The following NLRP12 variants were observed in gnomAD, a reference collection of about 807,000 sequenced individuals.
The protein encoded by NLRP12 is NACHT, LRR and PYD domains-containing protein 12.
A neutral mutation model predicts 91.2 loss-of-function variants in NLRP12; 108 were observed. That is an observed-to-expected ratio of 1.18 (90% confidence interval 1.01 to 1.39). The LOEUF (loss-of-function observed/expected upper bound fraction) is 1.39. NLRP12 is among the 40% of genes most tolerant of loss of function. The pLI is 0.00. For synonymous variants in NLRP12, 613 were observed against 566.7 expected (o/e 1.08, Z -1.16); for missense variants, 1,530 against 1,352.7 (o/e 1.13, Z -2.06).
rs766680396 is a variant in NLRP12, at chr19:53,810,716, C to T, written c.943G>A (p.Glu315Lys). The stretch of plus-strand genomic sequence containing the variant: ...AGCAGCTCCGTGGGCCGTTTCTCCT[C>T]CCAGCAGAGGCACCAGGGTCCCTGA... ...DPQGPWCLCW[E>K]EKRPTELLLN... Residue 315 changes from glutamate (E) to lysine (K), a missense_variant, in exon 3 of 10, where the codon GAG becomes AAG. Coordinates refer to ENST00000324134, the MANE Select transcript of NLRP12 (RefSeq NM_144687.4). 1.2e-5 allele frequency: 20 copies of T among 1,613,994 alleles called. No individual in the cohort carries two copies. The highest frequency in any genetic ancestry group is 1.6e-4 in the Middle Eastern group (1 of 6,062).
intron 1 of NLRP12, among the ~76,000 whole-genome samples, chr19:53,822,847 A>G (rs544644139): frequency 6.6e-6 from 1 of 151,688 alleles, no homozygotes; most frequent in East Asian, 1.9e-4. Flanking sequence ...AACTCACTGC[A>G]ATCTCCACCT....
chr19:53,809,797 T>C lies in NLRP12; in HGVS notation c.1862A>G (p.Gln621Arg). ...GGCCTGCTGGATAAACTCCTCCTCC[T>C]GGATCTCGTACAAGCAGCTGAAGAA... ...LEFFSCLYEI[Q>R]EEEFIQQALS... Residue 621 changes from glutamine (Q) to arginine (R), a missense_variant, in exon 3 of 10, where the codon CAG becomes CGG. By Grantham distance (43) the Gln-to-Arg change is conservative. Coordinates refer to ENST00000324134, the MANE Select transcript of NLRP12 (RefSeq NM_144687.4). 6.2e-7 allele frequency: 1 copy of C among 1,614,036 alleles called. No homozygotes were observed. Among genetic ancestry groups the C allele is most frequent in the Non-Finnish European group, 8.5e-7 (1 of 1,179,952 alleles).
rs2092217573 is a variant in NLRP12 at position 53,819,443 on chromosome 19, A to ATG, written c.289+4442_289+4443insCA. On this transcript the variant is annotated intron_variant, in intron 1 of 9. Coordinates refer to ENST00000324134, the MANE Select transcript of NLRP12 (RefSeq NM_144687.4). Reference sequence around the variant, plus strand: ...TATATATATATATATATATATATATATATATATATATATATGTGTGTGTGT... The same window carrying ATG: ...TATATATATATATATATATATATATATGTATATATATATATATGTGTGTGTGT... Among the ~76,000 whole-genome samples the ATG allele has an allele frequency of 2.9e-4, 6 of 20,554 alleles. 1 individual carries two copies. The highest frequency in any genetic ancestry group is 6.4e-4 in the Non-Finnish European group (6 of 9,306). 13.5% of individuals were successfully genotyped at this position (20,554 alleles called of 152,430 possible).
chr19:53,809,480 G>T, intron 3 of NLRP12, 107 bp downstream of exon 3: 1 of 1,169,346 alleles, frequency 8.6e-7, no homozygotes, highest in Non-Finnish European at 1.2e-6. Context: ...GCAGTGAGCT[G>T]AGGTCACGCC....
In NLRP12 at chr19:53,810,219, G is replaced by A. The variant is rs764208280; in HGVS notation, c.1440C>T (p.Asp480=). ...WNQKILFEEQ[D]LRKHGLDGED... ...CCCCGTCTAGGCCGTGCTTCCGGAG[G>A]TCCTGCTCCTCAAATAGGATTTTCT... Residue 480 remains aspartate (D), a synonymous_variant, in exon 3 of 10, where the codon GAC becomes GAT. Coordinates refer to ENST00000324134, the MANE Select transcript of NLRP12 (RefSeq NM_144687.4). 1.2e-6 allele frequency: 2 copies of A among 1,614,186 alleles called. No individual in the cohort carries two copies. Among genetic ancestry groups the A allele is most frequent in the South Asian group, 2.2e-5 (2 of 91,084 alleles).
intron 2 of NLRP12, among the ~76,000 whole-genome samples, chr19:53,812,426 A>AG (rs1421702118): frequency 6.6e-6 from 1 of 152,004 alleles, no homozygotes; most frequent in East Asian, 1.9e-4. Context: ...AAAAAAAAAA[A>AG]AAAATCTAGA....
rs758099850 is a variant in NLRP12, at chr19:53,798,341, G to C, written c.2829C>G (p.Leu943=). The change falls in exon 8 of 10, where the codon CTC becomes CTG. Residue 943 remains leucine (L), a synonymous_variant. Coordinates refer to ENST00000324134, the MANE Select transcript of NLRP12 (RefSeq NM_144687.4). ...LSVVLQANHN[L]RELDLSFNDL... ...CGTTGAAACTCAAGTCCAGCTCCCGGAGGTTGTGGTTGGCCTGGAGCACCA... is the reference window on the plus strand; with the variant it reads ...CGTTGAAACTCAAGTCCAGCTCCCGCAGGTTGTGGTTGGCCTGGAGCACCA... 6 of 1,614,118 alleles carry C rather than the reference G, an allele frequency of 3.7e-6. No homozygotes were observed. The highest frequency in any genetic ancestry group is 5.1e-6 in the Non-Finnish European group (6 of 1,180,038).
At chr19:53,818,633 C>G (rs796244754) in intron 1 of NLRP12, among the ~76,000 whole-genome samples, 110 of 151,996 alleles carry the variant, frequency 7.2e-4, no homozygotes, top group African/African-American at 2.2e-3. Flanking sequence ...CCACTGCACT[C>G]CGGCCTGGGT....
At chr19:53,824,393 A>C, upstream of NLRP12, 2 of 567,424 alleles carry the variant, frequency 3.5e-6, no homozygotes, top group Non-Finnish European at 3.2e-6. Context: ...CCACTCACCA[A>C]TGGCTGTTCT....
chr19:53,795,932 CGTT>C lies in NLRP12; in HGVS notation c.3022_3024del (p.Asn1008del). 1 of 1,614,118 alleles carries C rather than the reference CGTT, an allele frequency of 6.2e-7. No homozygotes were observed. Among genetic ancestry groups the C allele is most frequent in the Non-Finnish European group, 8.5e-7 (1 of 1,180,034 alleles). On this transcript the variant is annotated inframe_deletion, in exon 9 of 10. Transcript: ENST00000324134. ...AGTCGGACACCTGTGTCCCCTAGGG[CGTT>C]GTTGGTCAGGTAAAGGTCGGTCAAG...
chr19:53,820,583 C>A (rs1269841391), intron 1 of NLRP12, among the ~76,000 whole-genome samples: 1 of 152,116 alleles, frequency 6.6e-6, no homozygotes, highest in African/African-American at 2.4e-5. Context: ...GTGGTGCACA[C>A]CTGTAGTTCC....
intron 5 of NLRP12, among the ~76,000 whole-genome samples, chr19:53,804,669 C>A (rs2091928883): frequency 6.6e-6 from 1 of 150,812 alleles, no homozygotes; most frequent in Admixed American, 6.6e-5. Context: ...CCTTGGCCTC[C>A]CAAAGTGCTG....
chr19:53,824,199 G>A lies in NLRP12; in HGVS notation c.-25C>T. On this transcript the variant is annotated 5_prime_UTR_variant, in exon 1 of 10. Transcript: ENST00000324134. Reference sequence around the variant, plus strand: ...TGGGGGTGCCGTGAGCCCCAAAGGAGAGGACCTGGAGGCTGAGATGCTCCT... The same window carrying A: ...TGGGGGTGCCGTGAGCCCCAAAGGAAAGGACCTGGAGGCTGAGATGCTCCT... 6.2e-7 allele frequency: 1 copy of A among 1,611,816 alleles called. No individual in the cohort carries two copies. The highest frequency in any genetic ancestry group is 8.5e-7 in the Non-Finnish European group (1 of 1,179,652).
At chr19:53,823,208 T>A (rs886786624) in intron 1 of NLRP12, among the ~76,000 whole-genome samples, 1 of 144,112 alleles carries the variant, frequency 6.9e-6, no homozygotes, top group African/African-American at 2.5e-5. Context: ...ATATGTATTT[T>A]AAATATTTAT....
Position 53,809,975 on chromosome 19 carries a change from AGCG to A in NLRP12, c.1681_1683del (p.Arg561del). On this transcript the variant is annotated inframe_deletion, in exon 3 of 10. Coordinates refer to ENST00000324134, the MANE Select transcript of NLRP12 (RefSeq NM_144687.4). ...TCCTCGTTCAGGAGTCCAAACAGGA[AGCG>A]GCTGGTGAGTGCCAGGAAGCTCCTT... The A allele has an allele frequency of 6.2e-7, 1 of 1,614,104 alleles. No individual in the cohort carries two copies. The highest frequency in any genetic ancestry group is 8.5e-7 in the Non-Finnish European group (1 of 1,180,020).
chr19:53,804,375 G>GTTTTTTGTTTTTTTTGGGT (rs2091921797), intron 5 of NLRP12, among the ~76,000 whole-genome samples: 3 of 126,356 alleles, frequency 2.4e-5, no homozygotes, highest in Non-Finnish European at 5.3e-5. Context: ...TTGTTTGTTT[G>GTTTTTTGTTTTTTTTGGGT]TTTTTTGTTT....
chr19:53,796,369 A>G (rs966928741), intron 8 of NLRP12, among the ~76,000 whole-genome samples: 6 of 131,276 alleles, frequency 4.6e-5, no homozygotes, highest in African/African-American at 1.5e-4. Context: ...CTCCTGCCTC[A>G]GCCTCCCCAG....
rs1021075167 is a variant in NLRP12, at chr19:53,800,000, C to CA, written c.2756+1226dup. 6.6e-5 allele frequency among the ~76,000 whole-genome samples: 10 copies of CA among 151,306 alleles called. No individual in the cohort carries two copies. In the East Asian group the frequency reaches 1.8e-3, roughly 27 times the overall value. On this transcript the variant is annotated intron_variant, in intron 7 of 9. Coordinates refer to ENST00000324134, the MANE Select transcript of NLRP12 (RefSeq NM_144687.4). ...GCAACAAATCGAGACCTTGTCCCTA[C>CA]AAAAAATAAATAAAAATTGGCCAGG...
At chr19:53,797,152 G>A (rs2091780333) in intron 8 of NLRP12, among the ~76,000 whole-genome samples, 1 of 150,104 alleles carries the variant, frequency 6.7e-6, no homozygotes, top group Admixed American at 6.7e-5. Flanking sequence ...TTTTTCTCGA[G>A]ATGGAGTCTT....
Sources: gnomAD v4.1 joint callset for allele counts (sites outside exome capture counted in the v4.1 genomes callset) on GRCh38, gnomAD v4.1.1 for gene constraint, MANE v1.5 for transcripts, NCBI Gene and HGNC (gene_info 2026-07-23, HGNC 2026-07-21) for gene names.